ARHGAP15: variants seen among roughly 807,000 people sequenced by gnomAD.
ARHGAP15 encodes rho GTPase-activating protein 15.
Under a neutral mutation model 63.7 loss-of-function variants are expected in ARHGAP15, and 51 were observed. That is an observed-to-expected ratio of 0.80 (90% confidence interval 0.64 to 1.01). The LOEUF (loss-of-function observed/expected upper bound fraction) is 1.01, where lower values mean the gene tolerates loss of function less well. ARHGAP15 is among the 50% of genes least tolerant of loss of function. ARHGAP15 has a pLI of 0.00. For synonymous variants in ARHGAP15, 191 were observed against 193.8 expected, an observed-to-expected ratio of 0.99 and a Z score of 0.12; for missense variants, 560 against 564.6, an observed-to-expected ratio of 0.99 and a Z score of 0.08.
intron 9 of ARHGAP15, among the ~76,000 whole-genome samples, chr2:143,507,987 G>A (rs557032514): frequency 6.9e-4 from 104 of 149,704 alleles, no homozygotes; most frequent in Non-Finnish European, 1.4e-3. Flanking sequence ...GGCTTCACAC[G>A]GCAATTAGAA....
intron 8 of ARHGAP15, among the ~76,000 whole-genome samples, chr2:143,439,938 AT>A (rs770451079): frequency 6.6e-6 from 1 of 152,122 alleles, no homozygotes; most frequent in Non-Finnish European, 1.5e-5. Flanking sequence ...TTTTCTTTCA[AT>A]TTTGATTTCA....
intron 6 of ARHGAP15, among the ~76,000 whole-genome samples, chr2:143,424,587 C>A (rs1031750969): frequency 2.6e-5 from 4 of 151,968 alleles, no homozygotes; most frequent in Non-Finnish European, 2.9e-5. Context: ...TTTGTACAAG[C>A]TTTTCCTTTC....
At chr2:143,357,304 G>A (rs1332692225) in intron 6 of ARHGAP15, among the ~76,000 whole-genome samples, 3 of 151,952 alleles carry the variant, frequency 2.0e-5, no homozygotes, top group African/African-American at 4.8e-5. Context: ...CAGGGCTAAA[G>A]GAAGCAGAAA....
chr2:143,756,916 G>A (rs1686599854), intron 13 of ARHGAP15, among the ~76,000 whole-genome samples: 1 of 151,822 alleles, frequency 6.6e-6, no homozygotes, highest in African/African-American at 2.4e-5. Context: ...CAGGTCTCAG[G>A]CCTCTCCATT....
chr2:143,525,103 C>T (rs1156708576), intron 10 of ARHGAP15, among the ~76,000 whole-genome samples: 1 of 152,118 alleles, frequency 6.6e-6, no homozygotes, highest in Non-Finnish European at 1.5e-5. Flanking sequence ...AGCTCTGCTC[C>T]CAGTTCTGCT....
chr2:143,221,049 C>G (rs1351580644), intron 4 of ARHGAP15, among the ~76,000 whole-genome samples: 1 of 152,106 alleles, frequency 6.6e-6, no homozygotes, highest in Non-Finnish European at 1.5e-5. Flanking sequence ...CTTTATCTCT[C>G]TTGCTTTAAG....
intron 6 of ARHGAP15, among the ~76,000 whole-genome samples, chr2:143,393,338 A>C (rs1377539167): frequency 6.6e-6 from 1 of 152,210 alleles, no homozygotes; most frequent in Non-Finnish European, 1.5e-5. Context: ...ATCATTATTA[A>C]TATTATTAAG....
chr2:143,521,536 G>A (rs768431432), intron 10 of ARHGAP15, among the ~76,000 whole-genome samples: 1 of 152,144 alleles, frequency 6.6e-6, no homozygotes, highest in East Asian at 1.9e-4. Flanking sequence ...GTATTAGGAA[G>A]TAGCATATAA....
intron 11 of ARHGAP15, among the ~76,000 whole-genome samples, chr2:143,580,294 A>G (rs1696843108): frequency 6.6e-6 from 1 of 152,092 alleles, no homozygotes; most frequent in Non-Finnish European, 1.5e-5. Flanking sequence ...AAATTTAACT[A>G]AAGATTTCCT....
At chr2:143,610,373 C>T (rs983153048) in intron 11 of ARHGAP15, among the ~76,000 whole-genome samples, 1 of 152,142 alleles carries the variant, frequency 6.6e-6, no homozygotes, top group African/African-American at 2.4e-5. Flanking sequence ...ATACAATGTT[C>T]TTAAGTCAGT....
At chr2:143,179,287 GA>G (rs1337142821) in intron 2 of ARHGAP15, among the ~76,000 whole-genome samples, 1 of 152,170 alleles carries the variant, frequency 6.6e-6, no homozygotes, top group Admixed American at 6.5e-5. Context: ...CTCAGCCTAT[GA>G]AACAAAGAGC....
chr2:143,424,475 C>T (rs1358320891), intron 6 of ARHGAP15, among the ~76,000 whole-genome samples: 1 of 151,974 alleles, frequency 6.6e-6, no homozygotes, highest in Non-Finnish European at 1.5e-5. Context: ...GGTAACACCA[C>T]CATTTAAGGG....
chr2:143,236,959 T>C (rs950376786), intron 5 of ARHGAP15: 1 of 152,158 alleles, frequency 6.6e-6, no homozygotes, highest in African/African-American at 2.4e-5. Context: ...TTAGACTAAG[T>C]TGCGGAACAG....
intron 6 of ARHGAP15, among the ~76,000 whole-genome samples, chr2:143,431,762 T>G (rs755301012): frequency 6.6e-6 from 1 of 152,056 alleles, no homozygotes; most frequent in Non-Finnish European, 1.5e-5. Flanking sequence ...GCAATGTGCC[T>G]TGTACTTAAT....
chr2:143,336,391 T>C (rs1318250633), intron 6 of ARHGAP15, among the ~76,000 whole-genome samples: 1 of 152,148 alleles, frequency 6.6e-6, no homozygotes. Context: ...TATAAGAACA[T>C]GACCAGTTTA....
At chr2:143,449,018 G>A (rs550693372) in intron 8 of ARHGAP15, among the ~76,000 whole-genome samples, 1 of 151,962 alleles carries the variant, frequency 6.6e-6, no homozygotes, top group Non-Finnish European at 1.5e-5. Context: ...TATTATATTG[G>A]TCATGCTATG....
At chr2:143,580,158 T>A (rs186726520) in intron 11 of ARHGAP15, among the ~76,000 whole-genome samples, 78 of 151,952 alleles carry the variant, frequency 5.1e-4, no homozygotes, top group African/African-American at 1.8e-3. Context: ...CTACTTCATT[T>A]TATGTAATGG....
chr2:143,664,339 G>T, intron 12 of ARHGAP15, among the ~76,000 whole-genome samples: 1 of 151,264 alleles, frequency 6.6e-6, no homozygotes, highest in East Asian at 1.9e-4. Context: ...ACGAAATGAA[G>T]GCAGAAATAA....
chr2:143,328,633 A>G (rs1216147242), intron 6 of ARHGAP15, among the ~76,000 whole-genome samples: 1 of 152,140 alleles, frequency 6.6e-6, no homozygotes, highest in African/African-American at 2.4e-5. Flanking sequence ...TACCTAATGT[A>G]TGTGACGAGT....
Sources: gnomAD v4.1 joint callset for allele counts (sites outside exome capture counted in the v4.1 genomes callset) on GRCh38, gnomAD v4.1.1 for gene constraint, MANE v1.5 for transcripts, NCBI Gene and HGNC (gene_info 2026-07-23, HGNC 2026-07-21) for gene names.